Variants in ASTN2 observed in about 807,000 individuals in gnomAD.
ASTN2 encodes the protein astrotactin-2.
ASTN2 carries 54 observed loss-of-function variants against 139.8 expected under a neutral mutation model. That is an observed-to-expected ratio of 0.39 (90% confidence interval 0.31 to 0.48). ASTN2 has a LOEUF of 0.48. ASTN2 is among the 20% of genes least tolerant of loss of function. ASTN2 has a pLI of 0.95. For synonymous variants in ASTN2, 756 were observed against 719.5 expected, an observed-to-expected ratio of 1.05 and a Z score of -0.81; for missense variants, 1,565 against 1,725.1, an observed-to-expected ratio of 0.91 and a Z score of 1.64.
intron 19 of ASTN2, among the ~76,000 whole-genome samples, chr9:116,567,625 T>G (rs546409300): frequency 6.6e-6 from 1 of 152,126 alleles, no homozygotes; most frequent in South Asian, 2.1e-4. Flanking sequence ...GAAGATGGAT[T>G]GAAGGAGTGA....
intron 3 of ASTN2, among the ~76,000 whole-genome samples, chr9:117,198,914 T>C (rs757785940): frequency 2.0e-5 from 3 of 152,240 alleles, no homozygotes; most frequent in South Asian, 2.1e-4. Context: ...TTTCATATGT[T>C]TGTTGGCTGC....
intron 19 of ASTN2, among the ~76,000 whole-genome samples, chr9:116,512,275 G>A (rs1028734736): frequency 6.6e-6 from 1 of 152,188 alleles, no homozygotes; most frequent in Non-Finnish European, 1.5e-5. Context: ...TAGTCAGTCA[G>A]GAGCACGTTG....
At chr9:117,388,359 C>T (rs1830454544) in intron 1 of ASTN2, among the ~76,000 whole-genome samples, 1 of 152,124 alleles carries the variant, frequency 6.6e-6, no homozygotes, top group Non-Finnish European at 1.5e-5. Context: ...TATCAGGCCA[C>T]CCTGGGCTAA....
At chr9:116,692,345 A>G (rs548768572) in intron 16 of ASTN2, among the ~76,000 whole-genome samples, 1 of 152,236 alleles carries the variant, frequency 6.6e-6, no homozygotes, top group African/African-American at 2.4e-5. Context: ...AAAAGTGCCT[A>G]TTCATTTCTT....
At chr9:116,576,934 C>T (rs190074812) in intron 19 of ASTN2, among the ~76,000 whole-genome samples, 205 of 152,288 alleles carry the variant, frequency 1.3e-3, no homozygotes, top group South Asian at 9.3e-3. Flanking sequence ...GGGCCAGGCA[C>T]TAGGAATACC....
chr9:117,263,882 T>A (rs1004168284), intron 2 of ASTN2, among the ~76,000 whole-genome samples: 3 of 152,034 alleles, frequency 2.0e-5, no homozygotes, highest in Non-Finnish European at 4.4e-5. Flanking sequence ...AAATCTAAAT[T>A]GAGGCTAGGC....
chr9:117,055,570 T>C (rs1467538904), intron 5 of ASTN2, among the ~76,000 whole-genome samples: 1 of 152,162 alleles, frequency 6.6e-6, no homozygotes, highest in Non-Finnish European at 1.5e-5. Context: ...AAGAAAGAAA[T>C]CTCGTTGAGC....
intron 4 of ASTN2, among the ~76,000 whole-genome samples, chr9:117,119,014 A>T (rs1829475214): frequency 6.6e-6 from 1 of 152,168 alleles, no homozygotes; most frequent in African/African-American, 2.4e-5. Flanking sequence ...GAAGAATAGA[A>T]CCTGCAGGAG....
chr9:116,476,679 G>T (rs142512613), intron 20 of ASTN2, among the ~76,000 whole-genome samples: 164 of 152,294 alleles, frequency 1.1e-3, no homozygotes, highest in African/African-American at 3.8e-3. Flanking sequence ...AGTAAGTTAT[G>T]AAAAATCTGT....
Position 116,699,659 on chromosome 9 carries a change from C to T in ASTN2, c.2806+26112G>A. ...TGGTCTTGGACTGTTGGGATCATTG[C>T]ATCAAGATCTACAGCTACCATCTGA... is the stretch of plus-strand genomic sequence containing the variant. On this transcript the variant is annotated intron_variant, in intron 16 of 22. Transcript: ENST00000313400. The surrounding 1 kb of genome is among the most constrained non-coding windows in gnomAD (Gnocchi z 4.2). 5 of 1,614,174 alleles carry T rather than the reference C, an allele frequency of 3.1e-6. No homozygotes were observed. The highest frequency in any genetic ancestry group is 4.2e-6 in the Non-Finnish European group (5 of 1,180,026).
chr9:116,721,728 C>G (rs55877239), intron 16 of ASTN2, among the ~76,000 whole-genome samples: 24,926 of 152,130 alleles, frequency 0.16, 2,474 homozygotes, highest in Non-Finnish European at 0.23. Flanking sequence ...GTTCGGTGTT[C>G]CAGTCCCCTA....
At chr9:116,902,944 C>T (rs1051391083) in intron 10 of ASTN2, among the ~76,000 whole-genome samples, 1 of 152,116 alleles carries the variant, frequency 6.6e-6, no homozygotes, top group African/African-American at 2.4e-5. Context: ...AGGATCTGAC[C>T]ATCCATTACC....
At chr9:117,110,057 G>A (rs1829211783) in intron 4 of ASTN2, among the ~76,000 whole-genome samples, 1 of 152,052 alleles carries the variant, frequency 6.6e-6, no homozygotes, top group African/African-American at 2.4e-5. Flanking sequence ...TCTATCCTCT[G>A]CCATTAAAAT....
At chr9:116,923,622 CT>C (rs1834674207) in intron 10 of ASTN2, among the ~76,000 whole-genome samples, 1 of 152,214 alleles carries the variant, frequency 6.6e-6, no homozygotes, top group South Asian at 2.1e-4. Context: ...GCTTTTACCC[CT>C]GGAGATGGAG....
chr9:116,810,208 CTATT>C (rs1831128412), intron 12 of ASTN2, among the ~76,000 whole-genome samples: 1 of 152,310 alleles, frequency 6.6e-6, no homozygotes, highest in Admixed American at 6.5e-5. Flanking sequence ...GTTTGTATCT[CTATT>C]TATCAACTGT....
intron 19 of ASTN2, among the ~76,000 whole-genome samples, chr9:116,609,952 T>TA (rs1554720271): frequency 1.3e-5 from 2 of 151,898 alleles, no homozygotes; most frequent in African/African-American, 4.8e-5. Context: ...TAAATTTTTT[T>TA]AAAAAAGAGT....
At chr9:116,632,160 G>GAGAGAGAGAC (rs1856787930) in intron 17 of ASTN2, among the ~76,000 whole-genome samples, 8 of 31,490 alleles carry the variant, frequency 2.5e-4, no homozygotes, top group East Asian at 7.1e-3. Context: ...GAGAGAGACA[G>GAGAGAGAGAC]AGAGAGAGAG....
intron 19 of ASTN2, among the ~76,000 whole-genome samples, chr9:116,576,043 C>T (rs1853709993): frequency 6.6e-6 from 1 of 152,066 alleles, no homozygotes; most frequent in Non-Finnish European, 1.5e-5. Context: ...TTTCAATGAA[C>T]CCAAAAGGTT....
chr9:117,103,983 G>GGCCAGGCACAGT (rs6151141), intron 4 of ASTN2, among the ~76,000 whole-genome samples: 68,733 of 151,742 alleles, frequency 0.45, 15,814 homozygotes, highest in East Asian at 0.66. Context: ...ACCTGCTATA[G>GGCCAGGCACAGT]GCCAGGCACT....
Sources: allele counts gnomAD v4.1 joint callset (sites outside exome capture counted in the v4.1 genomes callset), GRCh38; gene constraint gnomAD v4.1.1; non-coding constraint Gnocchi (gnomAD v3.1); transcripts MANE v1.5; gene names NCBI Gene and HGNC (gene_info 2026-07-23, HGNC 2026-07-21).